Variants in PTPRD observed in about 807,000 individuals in gnomAD.
PTPRD encodes receptor-type tyrosine-protein phosphatase delta.
PTPRD carries 34 observed loss-of-function variants against 214.5 expected under a neutral mutation model. The ratio of observed to expected loss-of-function variants is 0.16; its 90% CI spans 0.12 to 0.21. The LOEUF is 0.21. Among genes scored for constraint, PTPRD ranks in the 10% least tolerant of loss-of-function variants. The probability of loss-of-function intolerance (pLI) is 1.00; values close to 1 mark genes in which losing one functional copy is unlikely to be tolerated. For missense variants in PTPRD, 2,545 were observed against 2,398.7 expected, an observed-to-expected ratio of 1.06 and a Z score of -1.27; for synonymous variants, 1,128 against 845.7, an observed-to-expected ratio of 1.33 and a Z score of -5.79.
intron 8 of PTPRD, among the ~76,000 whole-genome samples, chr9:9,486,303 G>C (rs1002821947): frequency 6.7e-6 from 1 of 150,178 alleles, no homozygotes. Context: ...AGGATGGATT[G>C]TTAGGCTGCT....
chr9:9,403,895 G>C (rs139356447), intron 8 of PTPRD, among the ~76,000 whole-genome samples: 366 of 152,152 alleles, frequency 2.4e-3, no homozygotes, highest in African/African-American at 8.4e-3. Context: ...TAGTGAAATG[G>C]AGAAAATAAA....
At chr9:8,471,316 T>C (rs2096648570) in intron 30 of PTPRD, among the ~76,000 whole-genome samples, 2 of 152,128 alleles carry the variant, frequency 1.3e-5, no homozygotes, top group African/African-American at 4.8e-5. Context: ...ATCATCATGG[T>C]GGACTGCTCT....
chr9:8,659,647 C>T (rs1343787058), intron 12 of PTPRD, among the ~76,000 whole-genome samples: 1 of 152,104 alleles, frequency 6.6e-6, no homozygotes, highest in Non-Finnish European at 1.5e-5. Context: ...GAAGAGGGTA[C>T]AGAAGTAATT....
intron 32 of PTPRD, among the ~76,000 whole-genome samples, chr9:8,463,570 C>G (rs1238979162): frequency 6.6e-6 from 1 of 151,756 alleles, no homozygotes; most frequent in Non-Finnish European, 1.5e-5. Context: ...CACAGGTTTT[C>G]CCAAAGAACA....
At chr9:9,879,276 A>G (rs75861574) in intron 5 of PTPRD, among the ~76,000 whole-genome samples, 2,313 of 152,260 alleles carry the variant, frequency 0.015, 53 homozygotes, top group African/African-American at 0.053. Flanking sequence ...ATGAGGGGCT[A>G]TCTTGTGTGT....
chr9:10,227,851 T>C (rs1376618760), intron 3 of PTPRD, among the ~76,000 whole-genome samples: 1 of 152,022 alleles, frequency 6.6e-6, no homozygotes, highest in Non-Finnish European at 1.5e-5. Flanking sequence ...CCAGAGTTAT[T>C]ATTTGCTTTG....
At chr9:8,452,197 C>G (rs1330544612) in intron 33 of PTPRD, among the ~76,000 whole-genome samples, 3 of 152,168 alleles carry the variant, frequency 2.0e-5, no homozygotes, top group Admixed American at 2.0e-4. Flanking sequence ...CTCCTGAAAT[C>G]CTAGTCAAAT....
chr9:9,205,640 T>C (rs1569562111), intron 9 of PTPRD, among the ~76,000 whole-genome samples: 1 of 152,214 alleles, frequency 6.6e-6, no homozygotes, highest in Non-Finnish European at 1.5e-5. Context: ...ATATCTTTTT[T>C]GTGGCTTTTA....
chr9:10,139,408 T>C (rs202042925), intron 3 of PTPRD, among the ~76,000 whole-genome samples: 1 of 151,882 alleles, frequency 6.6e-6, no homozygotes, highest in Non-Finnish European at 1.5e-5. Flanking sequence ...AACATTCCAT[T>C]CTCATGGATA....
chr9:9,603,075 C>G (rs878966491), intron 7 of PTPRD, among the ~76,000 whole-genome samples: 1 of 151,840 alleles, frequency 6.6e-6, no homozygotes, highest in African/African-American at 2.4e-5. Flanking sequence ...AATCTGTGAA[C>G]GTAATGATTA....
rs1002550739 is a variant in PTPRD, at chr9:8,783,181, C to T, written c.-103-49235G>A. Among the ~76,000 whole-genome samples, 31 of 151,948 alleles carry T rather than the reference C, an allele frequency of 2.0e-4. 1 individual carries two copies. Among genetic ancestry groups the T allele is most frequent in the East Asian group, 1.9e-4 (1 of 5,148 alleles). Reference sequence around the variant, plus strand: ...GAACGGAAATTTTCATAAAGAAATCCATTTTAAAGTCAGAACAAAAAAAGT... The same window carrying T: ...GAACGGAAATTTTCATAAAGAAATCTATTTTAAAGTCAGAACAAAAAAAGT... On this transcript the variant is annotated intron_variant, in intron 11 of 45. Transcript: ENST00000381196.
chr9:8,930,926 A>T (rs1283520471), intron 11 of PTPRD, among the ~76,000 whole-genome samples: 3 of 152,022 alleles, frequency 2.0e-5, no homozygotes, highest in African/African-American at 7.3e-5. Context: ...GTCCACTCTG[A>T]TGGTAGTTTC....
chr9:9,817,984 T>A (rs1029272638), intron 5 of PTPRD, among the ~76,000 whole-genome samples: 9 of 152,288 alleles, frequency 5.9e-5, no homozygotes, highest in African/African-American at 1.4e-4. Context: ...TGAGGGACTT[T>A]CTTCAATCCA....
intron 3 of PTPRD, among the ~76,000 whole-genome samples, chr9:10,335,539 GATGAC>G (rs1204588891): frequency 6.6e-6 from 1 of 151,622 alleles, no homozygotes; most frequent in Non-Finnish European, 1.5e-5. Flanking sequence ...TGGGTTTGAT[GATGAC>G]ATTAGATAGA....
At chr9:9,556,714 T>G (rs1214711949) in intron 8 of PTPRD, among the ~76,000 whole-genome samples, 1 of 152,126 alleles carries the variant, frequency 6.6e-6, no homozygotes, top group African/African-American at 2.4e-5. Context: ...TCCTTCAAAT[T>G]TAGATGGTCA....
intron 2 of PTPRD, among the ~76,000 whole-genome samples, chr9:10,360,204 C>T (rs560391697): frequency 3.9e-4 from 59 of 152,318 alleles, no homozygotes; most frequent in African/African-American, 1.4e-3. Context: ...TTGATTTGGA[C>T]ACTATCAGGC....
chr9:8,585,801 C>G (rs1353926091), intron 14 of PTPRD, among the ~76,000 whole-genome samples: 1 of 152,178 alleles, frequency 6.6e-6, no homozygotes. Flanking sequence ...TCTGCCTGTA[C>G]TATTTCATTA....
chr9:9,386,135 G>C (rs565039097), intron 9 of PTPRD, among the ~76,000 whole-genome samples: 1 of 152,232 alleles, frequency 6.6e-6, no homozygotes, highest in Non-Finnish European at 1.5e-5. Context: ...CTGAGTCCTA[G>C]TCTGTAGGCT....
chr9:10,185,370 C>G lies in PTPRD; in HGVS notation c.-544-151580G>C, dbSNP rs116533304. Among the ~76,000 whole-genome samples the G allele has an allele frequency of 7.9e-3, 1,205 of 152,254 alleles. 20 individuals carry two copies. Among genetic ancestry groups the G allele is most frequent in the African/African-American group, 0.027 (1,133 of 41,540 alleles). On this transcript the variant is annotated intron_variant, in intron 3 of 45. Coordinates refer to ENST00000381196, the MANE Select transcript of PTPRD (RefSeq NM_002839.4). Reference sequence around the variant, plus strand: ...TCGAATGATGCATAAACTTCCATTACAATGAGAAATTTGCTGTTTGCTTTG... The same window carrying G: ...TCGAATGATGCATAAACTTCCATTAGAATGAGAAATTTGCTGTTTGCTTTG...
Sources: allele counts gnomAD v4.1 joint callset (sites outside exome capture counted in the v4.1 genomes callset), GRCh38; gene constraint gnomAD v4.1.1; transcripts MANE v1.5; gene names NCBI Gene and HGNC (gene_info 2026-07-23, HGNC 2026-07-21).